The following MACF1 variants were observed in gnomAD, a reference collection of about 807,000 sequenced individuals.
MACF1 encodes the protein microtubule-actin cross-linking factor 1.
A neutral mutation model predicts 854.8 loss-of-function variants in MACF1; 193 were observed. That is an observed-to-expected ratio of 0.23 (90% confidence interval 0.20 to 0.25). The LOEUF (loss-of-function observed/expected upper bound fraction) is 0.25. Ranked by LOEUF, MACF1 falls within the 10% of genes least tolerant of loss-of-function variation. The pLI is 1.00. For missense variants in MACF1, 7,722 were observed against 8,929.1 expected, an observed-to-expected ratio of 0.86 and a Z score of 5.45; for synonymous variants, 3,185 against 3,226.7, an observed-to-expected ratio of 0.99 and a Z score of 0.44.
rs1267777462 is a variant in MACF1 at position 39,375,942 on chromosome 1, GTCGTGTTA to G, written c.13214-2517_13214-2510del. On this transcript the variant is annotated intron_variant, in intron 52 of 100. Coordinates refer to ENST00000564288, the MANE Select transcript of MACF1 (RefSeq NM_001394062.1). ...AACTGTGTAGATGTACAGAGAGCAAGTCGTGTTATATTTTTGGTCGTGTTATTTAATGT... is the reference window on the plus strand; with the variant it reads ...AACTGTGTAGATGTACAGAGAGCAAGTATTTTTGGTCGTGTTATTTAATGT... 7.2e-5 allele frequency among the ~76,000 whole-genome samples: 11 copies of G among 152,308 alleles called. No homozygotes were observed. The South Asian group carries it at 1.5e-3, about 20-fold the overall frequency.
chr1:39,409,564 C>T lies in MACF1; in HGVS notation c.15817-12810C>T, dbSNP rs984113451. On this transcript the variant is annotated intron_variant, in intron 58 of 100. Coordinates refer to ENST00000564288, the MANE Select transcript of MACF1 (RefSeq NM_001394062.1). The surrounding 1 kb of genome is among the most constrained non-coding windows in gnomAD (Gnocchi z 4.2). ...TCCGAAGGCCTGGCGCGGGGCTCCGCTCGCCTTGTTTTGCAGCTACAGCGC... is the reference window on the plus strand; with the variant it reads ...TCCGAAGGCCTGGCGCGGGGCTCCGTTCGCCTTGTTTTGCAGCTACAGCGC... 6.6e-6 allele frequency: 1 copy of T among 152,350 alleles called. No homozygotes were observed. Among genetic ancestry groups the T allele is most frequent in the African/African-American group, 2.4e-5 (1 of 41,470 alleles). 9.4% of individuals were successfully genotyped at this position (152,350 alleles called of 1,614,324 possible). A position where few individuals can be genotyped will look rare whatever the true frequency, so the allele number is the denominator to read the frequency against.
At chr1:39,202,240 A>G (rs1644399596), upstream of MACF1, among the ~76,000 whole-genome samples, 1 of 148,806 alleles carries the variant, frequency 6.7e-6, no homozygotes, top group African/African-American at 2.5e-5. Flanking sequence ...TGCTGGGATT[A>G]CAGGCGTGAG....
At chr1:39,162,443 C>T (rs866773560) in intron 2 of MACF1, among the ~76,000 whole-genome samples, 3 of 152,116 alleles carry the variant, frequency 2.0e-5, no homozygotes, top group Non-Finnish European at 4.4e-5. Context: ...TCTCTTTGTA[C>T]CAAATTTCTG....
intron 29 of MACF1, 112 bp from the exon 30 acceptor site, chr1:39,318,341 A>T: frequency 1.1e-6 from 1 of 902,206 alleles, no homozygotes; most frequent in Non-Finnish European, 1.7e-6. Context: ...ATAAAGATGG[A>T]TCGTTTGTGG....
At chr1:39,153,818 CCAG>C (rs1310502127) in intron 2 of MACF1, among the ~76,000 whole-genome samples, 1 of 152,192 alleles carries the variant, frequency 6.6e-6, no homozygotes, top group African/African-American at 2.4e-5. Context: ...CATTTTCTGT[CCAG>C]CAGACCAGAA....
At chr1:39,202,989 A>G (rs1644410965), upstream of MACF1, among the ~76,000 whole-genome samples, 1 of 152,162 alleles carries the variant, frequency 6.6e-6, no homozygotes, top group African/African-American at 2.4e-5. Flanking sequence ...GTAGTAGGTT[A>G]TGCACATCTA....
At chr1:39,412,636 T>C (rs1366323574) in intron 58 of MACF1, 1 of 1,613,858 alleles carries the variant, frequency 6.2e-7, no homozygotes, top group South Asian at 1.1e-5. Flanking sequence ...GAATGTGGCA[T>C]CATCAGAGGG....
At position 39,439,412 on chromosome 1, in the gene MACF1, C is replaced by T. The variant is rs1187112051; in HGVS notation, c.18359C>T (p.Thr6120Ile). 11 of 1,613,992 alleles carry T rather than the reference C, an allele frequency of 6.8e-6. No homozygotes were observed. Among genetic ancestry groups the T allele is most frequent in the Non-Finnish European group, 9.3e-6 (11 of 1,179,996 alleles). Residue 6120 changes from threonine (T) to isoleucine (I), a missense_variant, in exon 72 of 101, where the codon ACC (threonine) becomes ATC (isoleucine). Thr to Ile is a moderately conservative substitution (Grantham distance 89, BLOSUM62 -1). Transcript: ENST00000564288. Reference protein sequence around the residue: ...FWYDMAALLTTIKDTQDIVHD... With the variant: ...FWYDMAALLTIIKDTQDIVHD... ...TATGACATGGCAGCTCTCCTGACCACCATCAAAGACACCCAGGATATTGTC... is the reference window on the plus strand; with the variant it reads ...TATGACATGGCAGCTCTCCTGACCATCATCAAAGACACCCAGGATATTGTC...
chr1:39,418,820 G>A (rs1052046641), intron 58 of MACF1, among the ~76,000 whole-genome samples: 1 of 151,784 alleles, frequency 6.6e-6, no homozygotes, highest in African/African-American at 2.4e-5. Context: ...CTGAGATTAT[G>A]TCACTGCACT....
Position 39,380,116 on chromosome 1 carries a change from A to G in MACF1, c.13519-128A>G. On this transcript the variant is annotated intron_variant, in intron 54 of 100. Transcript: ENST00000564288. ...AAGGGTTAAGTATCTTAACACCACT[A>G]AACAAGTCATTGATAGGATCCTAGT... The G allele has an allele frequency of 6.8e-6, 6 of 887,492 alleles. No individual in the cohort carries two copies. The Admixed American group carries it at 1.0e-4, about 15-fold the overall frequency. The allele number at this position is 887,492 out of a possible 1,614,324, so 55.0% of individuals were successfully genotyped here. A position where few individuals can be genotyped will look rare whatever the true frequency, so the allele number is the denominator to read the frequency against.
chr1:39,379,271 C>T lies in MACF1; in HGVS notation c.13345C>T (p.His4449Tyr), dbSNP rs1434784841. Residue 4449 changes from histidine to tyrosine, a missense_variant, in exon 54 of 101, where the codon CAT becomes TAT. His to Tyr is a moderately conservative substitution (Grantham distance 83). This residue lies in a region of MACF1 where 2,807 missense variants were observed against 3,235.8 expected (regional missense o/e 0.87). Transcript: ENST00000564288. ...GTATGAGAAACTAGGGGGAGTACTT[C>T]ATGAACGCCAGGAAAGCCTTCAGGC... ...LKYEKLGGVL[H>Y]ERQESLQAIL... 6.2e-7 allele frequency: 1 copy of T among 1,613,122 alleles called. No individual in the cohort carries two copies. The highest frequency in any genetic ancestry group is 8.5e-7 in the Non-Finnish European group (1 of 1,179,704).
chr1:39,244,016 C>T (rs985323162), intron 2 of MACF1, among the ~76,000 whole-genome samples: 3 of 151,686 alleles, frequency 2.0e-5, no homozygotes, highest in Non-Finnish European at 4.4e-5. Context: ...GACAGTTTTC[C>T]AGGCAAGGAA....
intron 58 of MACF1, among the ~76,000 whole-genome samples, chr1:39,422,052 G>C (rs1181121948): frequency 6.6e-6 from 1 of 152,020 alleles, no homozygotes; most frequent in Non-Finnish European, 1.5e-5. Context: ...TCCAGCCTGG[G>C]CGACAGAGCG....
At chr1:39,389,573 T>G (rs1029442687) in intron 58 of MACF1, among the ~76,000 whole-genome samples, 4 of 151,990 alleles carry the variant, frequency 2.6e-5, no homozygotes, top group Admixed American at 2.6e-4. Context: ...TTGGCCAGGC[T>G]GGTCTCGATC....
chr1:39,296,811 A>AAAGAAAGGAAGGAAGGAAGGAAGG lies in MACF1; in HGVS notation c.2356-806_2356-805insAAAGGAAGGAAGGAAGGAAGGAAG, dbSNP rs1491230575. Among the ~76,000 whole-genome samples the AAAGAAAGGAAGGAAGGAAGGAAGG allele has an allele frequency of 9.5e-4, 101 of 106,394 alleles. 1 individual carries two copies. Among genetic ancestry groups the AAAGAAAGGAAGGAAGGAAGGAAGG allele is most frequent in the Middle Eastern group, 5.4e-3 (1 of 186 alleles). The allele number at this position is 106,394 out of a possible 152,430, so 69.8% of individuals were successfully genotyped here. Reference sequence around the variant, plus strand: ...AAGAAAGGAAGGAAGGAAAAGAAAGAAAGGAAGGAAGGAAGGAAGGAAGGA... The same window carrying AAAGAAAGGAAGGAAGGAAGGAAGG: ...AAGAAAGGAAGGAAGGAAAAGAAAGAAAGAAAGGAAGGAAGGAAGGAAGGAAGGAAGGAAGGAAGGAAGGAAGGA... On this transcript the variant is annotated intron_variant, in intron 20 of 100. Coordinates refer to ENST00000564288, the MANE Select transcript of MACF1 (RefSeq NM_001394062.1).
At chr1:39,462,164 AT>A in intron 93 of MACF1, 127 bp downstream of exon 93, 1 of 890,764 alleles carries the variant, frequency 1.1e-6, no homozygotes, top group Non-Finnish European at 1.7e-6. Context: ...TTGGAGTTCT[AT>A]TTTGAGATCT....
At chr1:39,336,988 T>G (rs890552718) in intron 37 of MACF1, among the ~76,000 whole-genome samples, 194 bp from the exon 38 acceptor site, 1 of 152,260 alleles carries the variant, frequency 6.6e-6, no homozygotes, top group East Asian at 1.9e-4. Context: ...GCTCTGAGCT[T>G]CTGCTCTCTG....
At position 39,451,132 on chromosome 1, in the gene MACF1, A is replaced by T. The variant is rs1046688713; in HGVS notation, c.20339A>T (p.Lys6780Met). ...CAGGCATTGGTTGACTGGTTATACA[A>T]GGTGGAGCCACAGCTGGCTGAGGAC... ...ALQALVDWLY[K>M]VEPQLAEDQP... The change falls in exon 85 of 101, where the codon AAG becomes ATG. Residue 6780 changes from lysine (K) to methionine (M), a missense_variant. Transcript: ENST00000564288. The T allele has an allele frequency of 6.2e-7, 1 of 1,614,156 alleles. No individual in the cohort carries two copies. Among genetic ancestry groups the T allele is most frequent in the Non-Finnish European group, 8.5e-7 (1 of 1,180,032 alleles).
rs768085646 is a variant in MACF1, at chr1:39,335,552, A to G, written c.8964A>G (p.Thr2988=). The G allele has an allele frequency of 1.9e-5, 31 of 1,614,106 alleles. No individual in the cohort carries two copies. Among genetic ancestry groups the G allele is most frequent in the South Asian group, 4.4e-5 (4 of 91,082 alleles). ...REVIVEESIR[T]CKPAFLSEEK... is the part of the protein sequence containing the mutation. ...TGATTGTAGAAGAAAGTATCAGAAC[A>G]TGCAAACCAGCATTTCTTTCTGAAG... The change falls in exon 37 of 101, where the codon ACA becomes ACG. Residue 2988 remains threonine, a synonymous_variant. Coordinates refer to ENST00000564288, the MANE Select transcript of MACF1 (RefSeq NM_001394062.1).
Sources: gnomAD v4.1 joint callset for allele counts (sites outside exome capture counted in the v4.1 genomes callset) on GRCh38, gnomAD v4.1.1 for gene constraint, gnomAD v4.1.1 regional missense constraint, Gnocchi (gnomAD v3.1) non-coding constraint, MANE v1.5 for transcripts, NCBI Gene and HGNC (gene_info 2026-07-23, HGNC 2026-07-21) for gene names.